NSMCE1: variants seen among roughly 807,000 people sequenced by gnomAD.
NSMCE1 encodes NSE1 component of SMC5/6 complex.
In NSMCE1, 18 loss-of-function variants were observed where a neutral mutation model predicts 29.6. The observed-to-expected ratio is 0.61, with a 90% CI of 0.42 to 0.90. NSMCE1 has a LOEUF of 0.90. Among genes scored for constraint, NSMCE1 ranks in the 40% least tolerant of loss-of-function variants. The pLI, the probability that NSMCE1 is intolerant of heterozygous loss-of-function variation, is 0.00. For synonymous variants in NSMCE1, 124 were observed against 133.4 expected, an observed-to-expected ratio of 0.93 and a Z score of 0.49; for missense variants, 314 against 343.6, an observed-to-expected ratio of 0.91 and a Z score of 0.68.
At position 27,233,086 on chromosome 16, in the gene NSMCE1, A is replaced by G; in HGVS notation, c.398T>C (p.Val133Ala). ...CATCTTCTTGCCTTTAAGTTGATCAACCAGGTTCAATATGTTTGTGGAAGA... is the reference window on the plus strand; with the variant it reads ...CATCTTCTTGCCTTTAAGTTGATCAGCCAGGTTCAATATGTTTGTGGAAGA... ...FASSTNILNL[V>A]DQLKGKKMRK... is the part of the protein sequence containing the mutation. The change falls in exon 5 of 8, where the codon GTT (valine) becomes GCT (alanine). Residue 133 changes from valine to alanine, a missense_variant. By Grantham distance (64) the Val-to-Ala change is moderately conservative (BLOSUM62 0). Transcript: ENST00000361439. 1 of 1,614,170 alleles carries G rather than the reference A, an allele frequency of 6.2e-7. No individual in the cohort carries two copies. The highest frequency in any genetic ancestry group is 8.5e-7 in the Non-Finnish European group (1 of 1,180,000).
At chr16:27,248,880 G>A (rs1366208536) in intron 2 of NSMCE1, among the ~76,000 whole-genome samples, 1 of 151,994 alleles carries the variant, frequency 6.6e-6, no homozygotes, top group African/African-American at 2.4e-5. Flanking sequence ...CCAAGCTGAA[G>A]TGCAGTGGCA....
At chr16:27,252,747 C>A (rs1204281051) in intron 2 of NSMCE1, among the ~76,000 whole-genome samples, 1 of 151,982 alleles carries the variant, frequency 6.6e-6, no homozygotes, top group Non-Finnish European at 1.5e-5. Flanking sequence ...GGTGAAACCC[C>A]ATCTCTACTA....
intron 2 of NSMCE1, among the ~76,000 whole-genome samples, chr16:27,255,286 G>A (rs1020846475): frequency 6.6e-6 from 1 of 152,052 alleles, no homozygotes; most frequent in Non-Finnish European, 1.5e-5. Context: ...GTACAACTGC[G>A]GCGCATCTAC....
chr16:27,262,116 C>T (rs559500297), intron 1 of NSMCE1, among the ~76,000 whole-genome samples: 4 of 151,850 alleles, frequency 2.6e-5, no homozygotes, highest in South Asian at 4.2e-4. Context: ...GGGTGGCACG[C>T]GCCTGTAATC....
rs759676247 is a variant in NSMCE1, at chr16:27,228,075, G to A, written c.484-1239C>T. ...GCTGGGATTGCAGGCGTGAGTCACC[G>A]CACCCAGCCCACTCCCGTTTCTGAC... On this transcript the variant is annotated intron_variant, in intron 5 of 7. Transcript: ENST00000361439. Among the ~76,000 whole-genome samples the A allele has an allele frequency of 8.3e-4, 126 of 152,150 alleles. 1 individual carries two copies. Among genetic ancestry groups the A allele is most frequent in the East Asian group, 1.9e-4 (1 of 5,168 alleles).
At position 27,225,174 on chromosome 16, in the gene NSMCE1, G is replaced by C; in HGVS notation, c.784C>G (p.Arg262Gly). 1 of 1,601,830 alleles carries C rather than the reference G, an allele frequency of 6.2e-7. No homozygotes were observed. The highest frequency in any genetic ancestry group is 1.3e-5 in the African/African-American group (1 of 74,854). Residue 262 changes from arginine to glycine, a missense_variant, in exon 8 of 8, where the codon CGG becomes GGG. Arg to Gly is a moderately radical substitution (Grantham distance 125, BLOSUM62 -2). Transcript: ENST00000361439. ...GVLKSNKKSLRSRQH is the reference protein window; with the variant it reads ...GVLKSNKKSLGSRQH ...CACGATGGCTAATGCTGCCTGGACC[G>C]CAGGGACTTTTTGTTCGATTTCAAG...
At chr16:27,244,623 C>A (rs1469714476) in intron 2 of NSMCE1, among the ~76,000 whole-genome samples, 1 of 151,900 alleles carries the variant, frequency 6.6e-6, no homozygotes, top group Non-Finnish European at 1.5e-5. Flanking sequence ...GGCTGCCCCT[C>A]ATCACCCGAG....
chr16:27,229,606 C>T lies in NSMCE1; in HGVS notation c.484-2770G>A, dbSNP rs545985070. On this transcript the variant is annotated intron_variant, in intron 5 of 7. Transcript: ENST00000361439. ...TTTATTTATTTGAGACAGAGTTTCG[C>T]TCTTGTTGCCCAGGCTAGATCATGC... Among the ~76,000 whole-genome samples, 454 of 152,308 alleles carry T rather than the reference C, an allele frequency of 3.0e-3. 2 individuals are homozygous for T. Among genetic ancestry groups the T allele is most frequent in the Non-Finnish European group, 5.1e-3 (344 of 68,020 alleles).
intron 1 of NSMCE1, among the ~76,000 whole-genome samples, chr16:27,265,144 G>A (rs1294881490): frequency 1.4e-5 from 2 of 144,162 alleles, no homozygotes; most frequent in African/African-American, 5.0e-5. Flanking sequence ...GCTGCTGGGA[G>A]AGTATAAATT....
At chr16:27,251,207 T>TATGTATGTATATATAA (rs1555477430) in intron 2 of NSMCE1, among the ~76,000 whole-genome samples, 2 of 70,770 alleles carry the variant, frequency 2.8e-5, no homozygotes, top group African/African-American at 1.1e-4. Flanking sequence ...TATATATATA[T>TATGTATGTATATATAA]AAAACTCTGT....
intron 1 of NSMCE1, among the ~76,000 whole-genome samples, chr16:27,260,824 A>G (rs1044782205): frequency 1.9e-3 from 259 of 137,776 alleles, no homozygotes; most frequent in African/African-American, 6.9e-3. Context: ...ACACCACTGC[A>G]CTCCAGGCTG....
intron 7 of NSMCE1, 87 bp from the exon 8 acceptor site, chr16:27,225,323 T>C: frequency 1.3e-6 from 1 of 797,372 alleles, no homozygotes; most frequent in East Asian, 2.6e-5. Context: ...CTACGTCTCC[T>C]GTGCCAAGGA....
At chr16:27,262,730 G>C (rs1346038016) in intron 1 of NSMCE1, among the ~76,000 whole-genome samples, 4 of 152,142 alleles carry the variant, frequency 2.6e-5, no homozygotes, top group Non-Finnish European at 5.9e-5. Flanking sequence ...AATGAAAGCA[G>C]AAATTGACAA....
At chr16:27,237,276 A>G (rs576978514) in intron 2 of NSMCE1, among the ~76,000 whole-genome samples, 1 of 152,352 alleles carries the variant, frequency 6.6e-6, no homozygotes, top group South Asian at 2.1e-4. Context: ...GGAGGGAGGC[A>G]TGGCCTGACT....
chr16:27,241,220 T>G (rs1028895702), intron 2 of NSMCE1: 6 of 152,254 alleles, frequency 3.9e-5, no homozygotes, highest in African/African-American at 1.4e-4. Flanking sequence ...GGAAGTCTAC[T>G]GCCCTGACCT....
intron 2 of NSMCE1, among the ~76,000 whole-genome samples, chr16:27,244,626 C>T (rs2083933524): frequency 6.6e-6 from 1 of 151,548 alleles, no homozygotes; most frequent in African/African-American, 2.4e-5. Flanking sequence ...TGCCCCTCAT[C>T]ACCCGAGCAT....
chr16:27,226,825 C>A lies in NSMCE1; in HGVS notation c.495G>T (p.Glu165Asp). 1 of 1,611,372 alleles carries A rather than the reference C, an allele frequency of 6.2e-7. No individual in the cohort carries two copies. The highest frequency in any genetic ancestry group is 8.5e-7 in the Non-Finnish European group (1 of 1,177,578). The change falls in exon 6 of 8, where the codon GAG becomes GAT. Residue 165 changes from glutamate to aspartate, a missense_variant. Coordinates refer to ENST00000361439, the MANE Select transcript of NSMCE1 (RefSeq NM_145080.4). ...GGATGGCCCGGCCGTGCAGGGTGAA[C>A]TCCCCTTCCTTCTGCAGGGACACAC... ...QNKWLIEKEG[E>D]FTLHGRAILE...
In NSMCE1 at chr16:27,225,793, C is replaced by A. The variant is rs2083683821; in HGVS notation, c.654G>T (p.Lys218Asn). Residue 218 changes from lysine to asparagine, a missense_variant, in exon 7 of 8, where the codon AAG becomes AAT. Transcript: ENST00000361439. ...GIRMHLPCVA[K>N]YFQSNAEPRC... ...GCGGTTCAGCATTCGACTGGAAGTA[C>A]TTGGCCACGCAGGGTAAGTGCATCC... 1 of 1,614,218 alleles carries A rather than the reference C, an allele frequency of 6.2e-7. No individual in the cohort carries two copies. The highest frequency in any genetic ancestry group is 2.2e-5 in the East Asian group (1 of 44,884).
intron 1 of NSMCE1, among the ~76,000 whole-genome samples, chr16:27,262,134 C>T (rs1298702969): frequency 6.6e-6 from 1 of 151,846 alleles, no homozygotes; most frequent in Admixed American, 6.6e-5. Flanking sequence ...ATCCCAGCTA[C>T]TCAGGAAGCT....
Sources: gnomAD v4.1 joint callset for allele counts (sites outside exome capture counted in the v4.1 genomes callset) on GRCh38, gnomAD v4.1.1 for gene constraint, MANE v1.5 for transcripts, NCBI Gene and HGNC (gene_info 2026-07-23, HGNC 2026-07-21) for gene names.